CLIC4: variants seen among roughly 807,000 people sequenced by gnomAD.
The protein encoded by CLIC4 is CLIC family member 4.
Under a neutral mutation model 24.6 loss-of-function variants are expected in CLIC4, and 13 were observed. The ratio of observed to expected loss-of-function variants is 0.53; its 90% CI spans 0.34 to 0.84. CLIC4 has a LOEUF of 0.84. CLIC4 is among the 40% of genes least tolerant of loss of function. The pLI, the probability that CLIC4 is intolerant of heterozygous loss-of-function variation, is 0.01. For synonymous variants in CLIC4, 104 were observed against 111.3 expected (o/e 0.93, Z 0.41); for missense variants, 227 against 301.7 (o/e 0.75, Z 1.83).
chr1:24,810,748 T>C (rs1424144586), intron 2 of CLIC4, among the ~76,000 whole-genome samples: 1 of 150,952 alleles, frequency 6.6e-6, no homozygotes, highest in Non-Finnish European at 1.5e-5. Context: ...ACTCCTGCTT[T>C]GGTGACTGGT....
chr1:24,820,063 G>GTGTGTGTGTATATATATATATATA (rs1639711351), intron 3 of CLIC4, among the ~76,000 whole-genome samples: 1 of 11,208 alleles, frequency 8.9e-5, no homozygotes, highest in Non-Finnish European at 2.1e-4. Context: ...AAAAAAAAAA[G>GTGTGTGTGTATATATATATATATA]TATGTATATA....
intron 1 of CLIC4, among the ~76,000 whole-genome samples, chr1:24,784,855 G>T (rs912421871): frequency 1.3e-5 from 2 of 151,820 alleles, no homozygotes; most frequent in African/African-American, 4.8e-5. Flanking sequence ...AATACAAAAA[G>T]TAGCCGGGCA....
At chr1:24,805,962 A>G (rs757654491) in intron 2 of CLIC4, among the ~76,000 whole-genome samples, 19 of 152,230 alleles carry the variant, frequency 1.2e-4, no homozygotes, top group African/African-American at 4.6e-4. Flanking sequence ...TTCATCTGAA[A>G]GACTACCATG....
At position 24,745,605 on chromosome 1, in the gene CLIC4, C is replaced by T. The variant is rs772102373; in HGVS notation, c.52C>T (p.Leu18Phe). 1 of 1,577,500 alleles carries T rather than the reference C, an allele frequency of 6.3e-7. No individual in the cohort carries two copies. The highest frequency in any genetic ancestry group is 8.6e-7 in the Non-Finnish European group (1 of 1,165,002). Residue 18 changes from leucine (L) to phenylalanine (F), a missense_variant, in exon 1 of 6, where the codon CTC becomes TTC. Coordinates refer to ENST00000374379, the MANE Select transcript of CLIC4 (RefSeq NM_013943.3). ...NGLKEEDKEP[L>F]IELFVKAGSD... ...GCTGAAGGAGGAGGACAAAGAGCCC[C>T]TCATCGAGCTCTTCGTCAAGGTGAG...
At chr1:24,831,263 A>T (rs1639837410) in intron 4 of CLIC4, among the ~76,000 whole-genome samples, 1 of 152,264 alleles carries the variant, frequency 6.6e-6, no homozygotes, top group East Asian at 1.9e-4. Flanking sequence ...AGGTCTCACC[A>T]CATTGCCCAG....
At chr1:24,830,990 TTC>T (rs1466218968) in intron 4 of CLIC4, among the ~76,000 whole-genome samples, 2 of 152,222 alleles carry the variant, frequency 1.3e-5, no homozygotes, top group African/African-American at 4.8e-5. Context: ...TTTTTGATAT[TTC>T]TGTTTGTGTT....
chr1:24,745,624 A>C lies in CLIC4; in HGVS notation c.71A>C (p.Lys24Thr), dbSNP rs1638678551. Reference protein sequence around the residue: ...DKEPLIELFVKAGSDGESIGN... With the variant: ...DKEPLIELFVTAGSDGESIGN... ...GAGCCCCTCATCGAGCTCTTCGTCA[A>C]GGTGAGCGCTCGCCTCGCGGTCCCG... is the stretch of plus-strand genomic sequence containing the variant. The change falls in exon 1 of 6, where the codon AAG (lysine) becomes ACG (threonine). Residue 24 changes from lysine to threonine, a missense_variant and splice_region_variant. Coordinates refer to ENST00000374379, the MANE Select transcript of CLIC4 (RefSeq NM_013943.3). The C allele has an allele frequency of 6.4e-7, 1 of 1,561,444 alleles. No homozygotes were observed. Among genetic ancestry groups the C allele is most frequent in the East Asian group, 2.5e-5 (1 of 40,220 alleles).
At position 24,797,908 on chromosome 1, in the gene CLIC4, T is replaced by A. The variant is rs1639422932; in HGVS notation, c.182+57T>A. On this transcript the variant is annotated intron_variant, in intron 2 of 5. Coordinates refer to ENST00000374379, the MANE Select transcript of CLIC4 (RefSeq NM_013943.3). Reference sequence around the variant, plus strand: ...AAGCTGAACTATCTTTTCAGTTTGATCCTATTTTCACCTTGATGGCACATA... The same window carrying A: ...AAGCTGAACTATCTTTTCAGTTTGAACCTATTTTCACCTTGATGGCACATA... 10 of 1,204,420 alleles carry A rather than the reference T, an allele frequency of 8.3e-6. No homozygotes were observed. The Middle Eastern group carries it at 5.7e-4, about 69-fold the overall frequency. 74.6% of individuals were successfully genotyped at this position (1,204,420 alleles called of 1,614,324 possible). A position where few individuals can be genotyped will look rare whatever the true frequency, so the allele number is the denominator to read the frequency against.
intron 1 of CLIC4, among the ~76,000 whole-genome samples, chr1:24,757,304 T>C (rs1638864682): frequency 6.6e-6 from 1 of 152,226 alleles, no homozygotes; most frequent in Non-Finnish European, 1.5e-5. Context: ...GTGTTGGGAT[T>C]ACAGGCATGA....
chr1:24,760,583 C>T (rs528109248), intron 1 of CLIC4, among the ~76,000 whole-genome samples: 2 of 152,030 alleles, frequency 1.3e-5, no homozygotes, highest in African/African-American at 4.8e-5. Context: ...GCTGATATTT[C>T]CTTCACTTGA....
chr1:24,788,088 G>A (rs1384450490), intron 1 of CLIC4, among the ~76,000 whole-genome samples: 1 of 151,802 alleles, frequency 6.6e-6, no homozygotes, highest in Non-Finnish European at 1.5e-5. Context: ...TCCTGACCTC[G>A]TGATCTGCCT....
intron 1 of CLIC4, among the ~76,000 whole-genome samples, chr1:24,780,093 A>C (rs1383798771): frequency 6.6e-6 from 1 of 152,170 alleles, no homozygotes; most frequent in Non-Finnish European, 1.5e-5. Flanking sequence ...TCTGGCACAT[A>C]CTGTTTTATT....
chr1:24,816,626 T>A (rs967608438), intron 3 of CLIC4, among the ~76,000 whole-genome samples: 5 of 152,202 alleles, frequency 3.3e-5, no homozygotes, highest in African/African-American at 1.2e-4. Flanking sequence ...GAGGAATCAC[T>A]TTCTATGGCC....
In CLIC4 at chr1:24,843,248, G is replaced by A. The variant is rs1051540889; in HGVS notation, c.*2311G>A. ...AATGGAAATTGGTAAATGGACAAAA[G>A]CTAGCTAGTAAAAAGGACGACCCAG... On this transcript the variant is annotated 3_prime_UTR_variant, in exon 6 of 6. Coordinates refer to ENST00000374379, the MANE Select transcript of CLIC4 (RefSeq NM_013943.3). 11 of 152,180 alleles carry A rather than the reference G, an allele frequency of 7.2e-5. No individual in the cohort carries two copies. Among genetic ancestry groups the A allele is most frequent in the African/African-American group, 2.7e-4 (11 of 41,446 alleles). 9.4% of individuals were successfully genotyped at this position (152,180 alleles called of 1,614,324 possible).
intron 1 of CLIC4, among the ~76,000 whole-genome samples, chr1:24,784,448 CTAGATTAAT>C (rs1168720000): frequency 6.6e-6 from 1 of 152,168 alleles, no homozygotes; most frequent in Non-Finnish European, 1.5e-5. Context: ...TCAGGATTAA[CTAGATTAAT>C]ACATGTGAAG....
At chr1:24,820,067 G>GTGTGTGTGTGTATGTATATATA (rs1212033050) in intron 3 of CLIC4, among the ~76,000 whole-genome samples, 1 of 36,470 alleles carries the variant, frequency 2.7e-5, no homozygotes, top group African/African-American at 8.9e-5. Context: ...AAAAAAGTAT[G>GTGTGTGTGTGTATGTATATATA]TATATATATA....
chr1:24,784,720 C>T (rs1639244134), intron 1 of CLIC4, among the ~76,000 whole-genome samples: 1 of 152,128 alleles, frequency 6.6e-6, no homozygotes, highest in South Asian at 2.1e-4. Flanking sequence ...TTTATTTATA[C>T]AGACAGAGCT....
chr1:24,755,701 TA>T (rs145789397), intron 1 of CLIC4, among the ~76,000 whole-genome samples: 50 of 150,046 alleles, frequency 3.3e-4, no homozygotes, highest in Middle Eastern at 3.4e-3. Context: ...AAAACAAAAT[TA>T]AAAAAAAAAT....
At chr1:24,804,139 G>A (rs766562822) in intron 2 of CLIC4, among the ~76,000 whole-genome samples, 11 of 151,964 alleles carry the variant, frequency 7.2e-5, no homozygotes, top group Non-Finnish European at 1.6e-4. Flanking sequence ...GCAGCAGCAT[G>A]AATGACACAT....
Sources: allele counts gnomAD v4.1 joint callset (sites outside exome capture counted in the v4.1 genomes callset), GRCh38; gene constraint gnomAD v4.1.1; transcripts MANE v1.5; gene names NCBI Gene and HGNC (gene_info 2026-07-23, HGNC 2026-07-21).